Variants in BTN3A1 observed in about 807,000 individuals in gnomAD.
The protein encoded by BTN3A1 is dJ45P21.3 (butyrophilin, subfamily 3, member A1).
In BTN3A1, 24 loss-of-function variants were observed where a neutral mutation model predicts 43.0. The observed-to-expected ratio is 0.56, with a 90% CI of 0.40 to 0.78. The LOEUF is 0.78. Ranked by LOEUF, BTN3A1 falls within the 30% of genes least tolerant of loss-of-function variation. The probability of loss-of-function intolerance (pLI) is 0.00; values close to 1 mark genes in which losing one functional copy is unlikely to be tolerated. For missense variants in BTN3A1, 533 were observed against 626.2 expected (o/e 0.85, Z 1.59); for synonymous variants, 181 against 234.7 (o/e 0.77, Z 2.09).
chr6:26,409,696 G>A lies in BTN3A1; in HGVS notation c.879G>A (p.Met293Ile), dbSNP rs752611443. Residue 293 changes from methionine to isoleucine, a missense_variant, in exon 5 of 10, where the codon ATG (methionine) becomes ATA (isoleucine). Met to Ile is a conservative substitution (Grantham distance 10, BLOSUM62 1). Coordinates refer to ENST00000289361, the MANE Select transcript of BTN3A1 (RefSeq NM_007048.6). ...KKKREQELRE[M>I]AWSTMKQEQS... ...AGAGAGAGCAAGAGTTGAGAGAAAT[G>A]GCATGGAGCACAATGAAGCAAGAAC... 1.3e-6 allele frequency: 2 copies of A among 1,584,190 alleles called. No individual in the cohort carries two copies. Among genetic ancestry groups the A allele is most frequent in the Admixed American group, 1.9e-5 (1 of 53,368 alleles).
At chr6:26,410,163 T>A in intron 7 of BTN3A1, 131 bp downstream of exon 7, 1 of 1,131,958 alleles carries the variant, frequency 8.8e-7, no homozygotes, top group Non-Finnish European at 1.3e-6. Context: ...AGAAAATAGA[T>A]GTGCCAATTC....
chr6:26,405,560 A>G lies in BTN3A1; in HGVS notation c.-4A>G, dbSNP rs369728603. The G allele has an allele frequency of 2.5e-6, 4 of 1,614,082 alleles. No homozygotes were observed. Among genetic ancestry groups the G allele is most frequent in the South Asian group, 2.2e-5 (2 of 91,070 alleles). On this transcript the variant is annotated 5_prime_UTR_variant, in exon 2 of 10. It removes an upstream start codon present in the reference 5' UTR. Transcript: ENST00000289361. ...CTTCCAGTATCTCCTGATATGCAGC[A>G]TGAATGAAAATGGCAAGTTTCCTGG...
At chr6:26,413,038 A>G in intron 9 of BTN3A1, 131 bp from the exon 10 acceptor site, 10 of 1,505,864 alleles carry the variant, frequency 6.6e-6, no homozygotes, top group Non-Finnish European at 8.8e-6. Context: ...AGAGAGTCAC[A>G]TTTAGGGCAG....
At position 26,413,381 on chromosome 6, in the gene BTN3A1, G is replaced by A. The variant is rs1047874186; in HGVS notation, c.1231G>A (p.Val411Met). The A allele has an allele frequency of 6.2e-7, 1 of 1,613,892 alleles. No homozygotes were observed. Among genetic ancestry groups the A allele is most frequent in the Non-Finnish European group, 8.5e-7 (1 of 1,179,968 alleles). Residue 411 changes from valine (V) to methionine (M), a missense_variant, in exon 10 of 10, where the codon GTG (valine) becomes ATG (methionine). Transcript: ENST00000289361. ...VGDRKEWHIG[V>M]CSKNVQRKGW... Reference sequence around the variant, plus strand: ...GGACAGGAAAGAGTGGCATATAGGGGTGTGCAGTAAGAATGTGCAGAGAAA... The same window carrying A: ...GGACAGGAAAGAGTGGCATATAGGGATGTGCAGTAAGAATGTGCAGAGAAA...
intron 9 of BTN3A1, 143 bp from the exon 10 acceptor site, chr6:26,413,026 T>C (rs1340334507): frequency 6.7e-7 from 1 of 1,491,230 alleles, no homozygotes; most frequent in Non-Finnish European, 8.9e-7. Flanking sequence ...CTGACATCGA[T>C]GAGAGAGTCA....
At chr6:26,412,564 C>T (rs1245790923) in intron 9 of BTN3A1, 5 of 1,547,048 alleles carry the variant, frequency 3.2e-6, no homozygotes, top group Non-Finnish European at 3.5e-6. Flanking sequence ...ATATAAGGCA[C>T]CACATAGAGC....
intron 3 of BTN3A1, among the ~76,000 whole-genome samples, chr6:26,407,180 T>C (rs4609015): frequency 0.17 from 25,855 of 152,232 alleles, 2,288 homozygotes; most frequent in South Asian, 0.23. Context: ...GTCCTGTTGC[T>C]GCTTCCAGAT....
intron 9 of BTN3A1, chr6:26,412,934 G>A: frequency 6.9e-7 from 1 of 1,458,874 alleles, no homozygotes; most frequent in Non-Finnish European, 9.0e-7. Flanking sequence ...TATTGGGTTA[G>A]GCAGAGATGC....
At position 26,413,395 on chromosome 6, in the gene BTN3A1, T is replaced by C. The variant is rs1762287214; in HGVS notation, c.1245T>C (p.Asn415=). The part of the protein sequence containing the change: ...KEWHIGVCSK[N]VQRKGWVKMT... ...GGCATATAGGGGTGTGCAGTAAGAA[T>C]GTGCAGAGAAAAGGCTGGGTCAAAA... The change falls in exon 10 of 10, where the codon AAT becomes AAC. Residue 415 remains asparagine (N), a synonymous_variant. Coordinates refer to ENST00000289361, the MANE Select transcript of BTN3A1 (RefSeq NM_007048.6). 3 of 1,613,764 alleles carry C rather than the reference T, an allele frequency of 1.9e-6. No individual in the cohort carries two copies. The highest frequency in any genetic ancestry group is 2.2e-5 in the South Asian group (2 of 91,056).
intron 1 of BTN3A1, chr6:26,404,605 A>T (rs1016884347): frequency 8.5e-5 from 13 of 152,194 alleles, no homozygotes; most frequent in African/African-American, 3.1e-4. Flanking sequence ...ATGAGCCGTC[A>T]TTCCTCTAAG....
chr6:26,411,874 A>G, intron 9 of BTN3A1: 1 of 351,518 alleles, frequency 2.8e-6, no homozygotes, highest in Non-Finnish European at 5.1e-6. Context: ...ACTGAGTAAT[A>G]CTGCAGGGAG....
intron 1 of BTN3A1, 134 bp from the exon 2 acceptor site, chr6:26,405,238 G>C (rs564459199): frequency 5.0e-6 from 2 of 401,698 alleles, no homozygotes; most frequent in South Asian, 5.7e-5. Context: ...ATGAATCAGA[G>C]GGGGATTGTG....
intron 3 of BTN3A1, among the ~76,000 whole-genome samples, chr6:26,407,436 G>A (rs573588992): frequency 6.6e-6 from 1 of 152,258 alleles, no homozygotes; most frequent in South Asian, 2.1e-4. Context: ...CTTCAAAACA[G>A]CTCCCTCTCC....
chr6:26,412,850 G>A, intron 9 of BTN3A1: 1 of 1,530,360 alleles, frequency 6.5e-7, no homozygotes. Context: ...GCATTAGTGG[G>A]CAGAGTGAAT....
In BTN3A1 at chr6:26,411,093, CT is replaced by C; in HGVS notation, c.965-9del. 3.2e-6 allele frequency: 5 copies of C among 1,575,968 alleles called. No individual in the cohort carries two copies. The highest frequency in any genetic ancestry group is 3.5e-5 in the Admixed American group (2 of 57,316). Reference sequence around the variant, plus strand: ...TGGCAAGTTCAGGTGACATCTCTATCTTTTTTTCATTGTAGGGGGAGAGAGA... The same window carrying C: ...TGGCAAGTTCAGGTGACATCTCTATCTTTTTTCATTGTAGGGGGAGAGAGA... On this transcript the variant is annotated splice_polypyrimidine_tract_variant and intron_variant, in intron 7 of 9. Coordinates refer to ENST00000289361, the MANE Select transcript of BTN3A1 (RefSeq NM_007048.6).
intron 1 of BTN3A1, among the ~76,000 whole-genome samples, chr6:26,404,711 C>T (rs1761954295): frequency 6.6e-6 from 1 of 152,166 alleles, no homozygotes; most frequent in South Asian, 2.1e-4. Context: ...CTGTCTGCAC[C>T]CATGCAAGTA....
At position 26,413,474 on chromosome 6, in the gene BTN3A1, C is replaced by T. The variant is rs772435705; in HGVS notation, c.1324C>T (p.Arg442Trp). 21 of 1,614,098 alleles carry T rather than the reference C, an allele frequency of 1.3e-5. No individual in the cohort carries two copies. Among genetic ancestry groups the T allele is most frequent in the Admixed American group, 1.7e-5 (1 of 60,018 alleles). The change falls in exon 10 of 10, where the codon CGG becomes TGG. Residue 442 changes from arginine to tryptophan, a missense_variant. Transcript: ENST00000289361. ...TMGLTDGNKY[R>W]TLTEPRTNLK... ...GGGGCTGACTGATGGGAATAAGTAT[C>T]GGACTCTAACTGAGCCCAGAACCAA...
chr6:26,413,061 A>G, intron 9 of BTN3A1, 108 bp from the exon 10 acceptor site: 1 of 1,522,458 alleles, frequency 6.6e-7, no homozygotes, highest in Non-Finnish European at 8.8e-7. Context: ...TAGGGACACC[A>G]GGCTTTGGAC....
intron 7 of BTN3A1, 104 bp from the exon 8 acceptor site, chr6:26,411,000 TAAAAA>T (rs1170183887): frequency 7.0e-3 from 2,519 of 357,698 alleles, no homozygotes; most frequent in East Asian, 8.2e-3. Context: ...ATACAGGTGG[TAAAAA>T]AAAAAAAAAA....
Sources: allele counts gnomAD v4.1 joint callset (sites outside exome capture counted in the v4.1 genomes callset), GRCh38; gene constraint gnomAD v4.1.1; transcripts MANE v1.5; gene names NCBI Gene and HGNC (gene_info 2026-07-23, HGNC 2026-07-21).